UQCRC2: variants seen among roughly 807,000 people sequenced by gnomAD.
UQCRC2 encodes cytochrome b-c1 complex subunit 2, mitochondrial.
A neutral mutation model predicts 55.6 loss-of-function variants in UQCRC2; 49 were observed. That is an observed-to-expected ratio of 0.88 (90% CI 0.70 to 1.12). The LOEUF is 1.12. Ranked by LOEUF, UQCRC2 falls within the 50% of genes most tolerant of loss-of-function variation. The pLI is 0.00. For missense variants in UQCRC2, 506 were observed against 547.8 expected (o/e 0.92, Z 0.76); for synonymous variants, 193 against 192.0 (o/e 1.01, Z -0.04).
At chr16:21,971,264 C>A (rs1347485012) in intron 8 of UQCRC2, among the ~76,000 whole-genome samples, 1 of 151,918 alleles carries the variant, frequency 6.6e-6, no homozygotes, top group East Asian at 1.9e-4. Context: ...AGAATGATAC[C>A]ATTTTAGAAA....
chr16:21,970,411 A>G (rs1048416188), intron 8 of UQCRC2, among the ~76,000 whole-genome samples: 3 of 152,210 alleles, frequency 2.0e-5, no homozygotes, highest in African/African-American at 4.8e-5. Context: ...CCCACCAGCA[A>G]TGCACAAAGG....
At chr16:21,980,472 G>GC (rs1003991100) in intron 12 of UQCRC2, 75 bp from the exon 13 acceptor site, 42 of 1,512,420 alleles carry the variant, frequency 2.8e-5, no homozygotes, top group South Asian at 6.2e-5. Context: ...GATGTTCACA[G>GC]CCCCCCGCCA....
chr16:21,967,414 T>C (rs1401473594), intron 7 of UQCRC2, among the ~76,000 whole-genome samples: 1 of 152,212 alleles, frequency 6.6e-6, no homozygotes, highest in African/African-American at 2.4e-5. Flanking sequence ...TGTATATTTG[T>C]ACTTTTTACA....
chr16:21,967,103 T>C (rs1898345836), intron 7 of UQCRC2, among the ~76,000 whole-genome samples: 1 of 152,186 alleles, frequency 6.6e-6, no homozygotes, highest in East Asian at 1.9e-4. Flanking sequence ...TTAATAGTAT[T>C]TTTTAAATGT....
At chr16:21,957,856 G>C (rs1268312482) in intron 3 of UQCRC2, among the ~76,000 whole-genome samples, 1 of 152,152 alleles carries the variant, frequency 6.6e-6, no homozygotes, top group Non-Finnish European at 1.5e-5. Flanking sequence ...TCCAGCAGTT[G>C]CCCACAACCC....
chr16:21,976,047 T>C lies in UQCRC2; in HGVS notation c.1048-120T>C, dbSNP rs113827191. The C allele has an allele frequency of 7.1e-5, 46 of 644,456 alleles. No homozygotes were observed. In the African/African-American group the frequency reaches 7.6e-4, roughly 11 times the overall value. The allele number at this position is 644,456 out of a possible 1,614,324, so 39.9% of individuals were successfully genotyped here. On this transcript the variant is annotated intron_variant, in intron 11 of 13. Coordinates refer to ENST00000268379, the MANE Select transcript of UQCRC2 (RefSeq NM_003366.4). ...TGATGACAGCATTCCGCATGGACAC[T>C]GTGCTGTTTGTCTGGAACTAACCTT...
At chr16:21,962,033 C>T (rs1008890843) in intron 4 of UQCRC2, among the ~76,000 whole-genome samples, 35 of 152,086 alleles carry the variant, frequency 2.3e-4, no homozygotes, top group South Asian at 6.2e-4. Context: ...ACTTTTCTAT[C>T]TTCTCCCACC....
chr16:21,962,559 T>C, intron 5 of UQCRC2, 43 bp downstream of exon 5: 2 of 1,613,000 alleles, frequency 1.2e-6, no homozygotes, highest in Non-Finnish European at 1.7e-6. Context: ...TTGAAAGAAA[T>C]ACTAAGCTGC....
At chr16:21,980,812 C>A in intron 13 of UQCRC2, 112 bp downstream of exon 13, 1 of 1,265,178 alleles carries the variant, frequency 7.9e-7, no homozygotes, top group Non-Finnish European at 1.1e-6. Flanking sequence ...ATGTTTGGTG[C>A]TCATCTACTT....
Position 21,957,447 on chromosome 16 carries a change from G to A in UQCRC2, c.148G>A (p.Ala50Thr). 6.2e-7 allele frequency: 1 copy of A among 1,614,052 alleles called. No individual in the cohort carries two copies. Among genetic ancestry groups the A allele is most frequent in the Non-Finnish European group, 8.5e-7 (1 of 1,180,010 alleles). Residue 50 changes from alanine (A) to threonine (T), a missense_variant, in exon 3 of 14, where the codon GCT becomes ACT. Transcript: ENST00000268379. Reference protein sequence around the residue: ...FTKLPNGLVIASLENYSPVSR... With the variant: ...FTKLPNGLVITSLENYSPVSR... ...CAAGTTACCAAATGGCTTGGTGATT[G>A]CTTCTTTGGAAAACTATTCTCCTGT...
At chr16:21,963,853 G>C (rs917676721) in intron 6 of UQCRC2, among the ~76,000 whole-genome samples, 8 of 152,088 alleles carry the variant, frequency 5.3e-5, no homozygotes, top group African/African-American at 1.7e-4. Context: ...CTATTGTATT[G>C]CTATTATTGT....
rs1567476254 is a variant in UQCRC2 at position 21,971,599 on chromosome 16, G to A, written c.745G>A (p.Ala249Thr). Reference sequence around the variant, plus strand: ...GAGGGGTGGGCTTGGTTTATCTGGTGCAAAGGCCAACTACCGTGGAGGTAA... The same window carrying A: ...GAGGGGTGGGCTTGGTTTATCTGGTACAAAGGCCAACTACCGTGGAGGTAA... The part of the protein sequence containing the change: ...NMRGGLGLSG[A>T]KANYRGGEIR... The change falls in exon 9 of 14, where the codon GCA (alanine) becomes ACA (threonine). Residue 249 changes from alanine (A) to threonine (T), a missense_variant. By Grantham distance (58) the Ala-to-Thr change is moderately conservative. Transcript: ENST00000268379. 2 of 1,614,138 alleles carry A rather than the reference G, an allele frequency of 1.2e-6. No individual in the cohort carries two copies. The highest frequency in any genetic ancestry group is 3.3e-5 in the Admixed American group (2 of 60,018).
intron 7 of UQCRC2, 199 bp from the exon 8 acceptor site, chr16:21,968,429 A>G (rs2094195258): frequency 1.4e-5 from 6 of 426,944 alleles, no homozygotes; most frequent in Admixed American, 4.1e-5. Flanking sequence ...CATGACCACA[A>G]TTAGGTTCTA....
At position 21,972,091 on chromosome 16, in the gene UQCRC2, C is replaced by G. The variant is rs778735088; in HGVS notation, c.935C>G (p.Ala312Gly). ...GSNTTSHLHQ[A>G]VAKATQQPFD... ...AACACCACCAGCCATCTGCACCAGG[C>G]TGTTGCCAAGGCAACTCAGCAGCCA... The change falls in exon 10 of 14, where the codon GCT (alanine) becomes GGT (glycine). Residue 312 changes from alanine (A) to glycine (G), a missense_variant. Coordinates refer to ENST00000268379, the MANE Select transcript of UQCRC2 (RefSeq NM_003366.4). 6.2e-7 allele frequency: 1 copy of G among 1,614,014 alleles called. No individual in the cohort carries two copies. The highest frequency in any genetic ancestry group is 1.1e-5 in the South Asian group (1 of 91,064).
intron 13 of UQCRC2, among the ~76,000 whole-genome samples, chr16:21,981,625 T>A (rs1432700961): frequency 2.0e-5 from 3 of 151,624 alleles, no homozygotes; most frequent in Non-Finnish European, 4.4e-5. Context: ...CTTGGTGGCA[T>A]GCGCCTGTAG....
In UQCRC2 at chr16:21,980,650, T is replaced by C. The variant is rs1164035037; in HGVS notation, c.1228T>C (p.Ser410Pro). 6.8e-6 allele frequency: 11 copies of C among 1,614,176 alleles called. No homozygotes were observed. Among genetic ancestry groups the C allele is most frequent in the Non-Finnish European group, 9.3e-6 (11 of 1,180,028 alleles). Residue 410 changes from serine (S) to proline (P), a missense_variant, in exon 13 of 14, where the codon TCC becomes CCC. Transcript: ENST00000268379. ...ALVAGSYMPP[S>P]TVLQQIDSVA... ...AGTTGCTGGTTCTTACATGCCACCA[T>C]CCACAGTCCTTCAGCAGATTGATTC...
chr16:21,973,914 A>G lies in UQCRC2; in HGVS notation c.985A>G (p.Ser329Gly). ...CTTTCAGGTTTCTGCATTTAATGCC[A>G]GTTACTCAGATTCTGGACTCTTTGG... ...QPFDVSAFNA[S>G]YSDSGLFGIY... The change falls in exon 11 of 14, where the codon AGT becomes GGT. Residue 329 changes from serine (S) to glycine (G), a missense_variant. Coordinates refer to ENST00000268379, the MANE Select transcript of UQCRC2 (RefSeq NM_003366.4). The G allele has an allele frequency of 6.2e-7, 1 of 1,613,092 alleles. No individual in the cohort carries two copies. Among genetic ancestry groups the G allele is most frequent in the Non-Finnish European group, 8.5e-7 (1 of 1,179,632 alleles).
At chr16:21,954,949 G>A (rs1335573151) in intron 1 of UQCRC2, among the ~76,000 whole-genome samples, 1 of 151,128 alleles carries the variant, frequency 6.6e-6, no homozygotes, top group African/African-American at 2.4e-5. Context: ...CAGCTACTCA[G>A]GAGGCTGAGG....
chr16:21,966,640 C>G (rs1358192975), intron 7 of UQCRC2, among the ~76,000 whole-genome samples: 3 of 152,172 alleles, frequency 2.0e-5, no homozygotes. Context: ...CAGTTTGATG[C>G]CTTTCATTCA....
Sources: allele counts gnomAD v4.1 joint callset (sites outside exome capture counted in the v4.1 genomes callset), GRCh38; gene constraint gnomAD v4.1.1; transcripts MANE v1.5; gene names NCBI Gene and HGNC (gene_info 2026-07-23, HGNC 2026-07-21).